Variants in CD300A observed in about 807,000 individuals in gnomAD.
CD300A encodes the protein CMRF35-like molecule 8.
Under a neutral mutation model 33.6 loss-of-function variants are expected in CD300A, and 22 were observed. The ratio of observed to expected loss-of-function variants is 0.66; its 90% CI spans 0.47 to 0.94. The LOEUF (loss-of-function observed/expected upper bound fraction) is 0.94. Among genes scored for constraint, CD300A ranks in the 40% least tolerant of loss-of-function variants. CD300A has a pLI of 0.00. For synonymous variants in CD300A, 136 were observed against 148.1 expected, an observed-to-expected ratio of 0.92 and a Z score of 0.59; for missense variants, 326 against 360.5, an observed-to-expected ratio of 0.90 and a Z score of 0.77.
intron 1 of CD300A, chr17:74,470,203 A>T: frequency 3.0e-6 from 3 of 985,442 alleles, no homozygotes; most frequent in Non-Finnish European, 3.6e-6. Flanking sequence ...GCGCAGAAAC[A>T]CAAGCCTGGG....
In CD300A at chr17:74,466,843, T is replaced by G; in HGVS notation, c.40+100T>G. Reference sequence around the variant, plus strand: ...CACACGAGACGCCCCGAGTCTGGACTCCGTGCAGAACGCAGAATGCGGTGC... The same window carrying G: ...CACACGAGACGCCCCGAGTCTGGACGCCGTGCAGAACGCAGAATGCGGTGC... On this transcript the variant is annotated intron_variant, in intron 1 of 6. Coordinates refer to ENST00000360141, the MANE Select transcript of CD300A (RefSeq NM_007261.4). The G allele has an allele frequency of 2.6e-6, 4 of 1,544,758 alleles. No individual in the cohort carries two copies. In the South Asian group the frequency reaches 3.6e-5, roughly 14 times the overall value.
At chr17:74,477,358 A>C in intron 3 of CD300A, 78 bp from the exon 4 acceptor site, 1 of 973,254 alleles carries the variant, frequency 1.0e-6, no homozygotes, top group Non-Finnish European at 1.5e-6. Context: ...TCAAAAAATA[A>C]AAATAAAAAA....
In CD300A at chr17:74,484,389, T is replaced by A; in HGVS notation, c.*263T>A. 1 of 347,252 alleles carries A rather than the reference T, an allele frequency of 2.9e-6. No homozygotes were observed. The allele number at this position is 347,252 out of a possible 1,614,324, so 21.5% of individuals were successfully genotyped here. ...TCACCTCTTTCCCCTTTGCCCCTGC[T>A]TCATCCCAGCTCTGTGTGTGGAGGA... On this transcript the variant is annotated 3_prime_UTR_variant, in exon 7 of 7. Coordinates refer to ENST00000360141, the MANE Select transcript of CD300A (RefSeq NM_007261.4).
intron 5 of CD300A, 134 bp from the exon 6 acceptor site, chr17:74,481,591 TG>T: frequency 5.8e-6 from 4 of 691,194 alleles, no homozygotes; most frequent in African/African-American, 1.8e-5. Context: ...CTGGACGGAG[TG>T]GGGTGGAGGC....
intron 3 of CD300A, among the ~76,000 whole-genome samples, chr17:74,475,673 C>T (rs554659215): frequency 6.6e-6 from 1 of 152,262 alleles, no homozygotes; most frequent in Admixed American, 6.5e-5. Context: ...TGGCACTATC[C>T]ACCCAGAGTT....
In CD300A at chr17:74,471,366, G is replaced by A. The variant is rs536158791; in HGVS notation, c.41-2170G>A. 7.9e-5 allele frequency among the ~76,000 whole-genome samples: 12 copies of A among 152,274 alleles called. No individual in the cohort carries two copies. In the East Asian group the frequency reaches 2.3e-3, roughly 29 times the overall value. On this transcript the variant is annotated intron_variant, in intron 1 of 6. Transcript: ENST00000360141. ...AGGTTATCTATTTTTATTAGCTGGA[G>A]TCATGTGAAACCCTGTTGTCTTGGT...
chr17:74,481,951 G>C, intron 6 of CD300A, 118 bp downstream of exon 6: 1 of 700,620 alleles, frequency 1.4e-6, no homozygotes, highest in Non-Finnish European at 2.5e-6. Flanking sequence ...GCCTGTCAGG[G>C]ACAGGGCCAC....
chr17:74,475,871 C>T (rs189358230), intron 3 of CD300A, among the ~76,000 whole-genome samples: 138 of 152,278 alleles, frequency 9.1e-4, no homozygotes, highest in Non-Finnish European at 1.7e-3. Context: ...CTCTGGAAAG[C>T]ATTATACTTA....
chr17:74,466,534 C>G, upstream of CD300A: 1 of 725,480 alleles, frequency 1.4e-6, no homozygotes, highest in Non-Finnish European at 2.3e-6. Context: ...GGCTCACCAG[C>G]TTCCTGCATT....
At chr17:74,476,597 G>A (rs9908469) in intron 3 of CD300A, among the ~76,000 whole-genome samples, 4,633 of 152,282 alleles carry the variant, frequency 0.03, 243 homozygotes, top group African/African-American at 0.11. Flanking sequence ...AAGCAATGGA[G>A]GGACCTGAAG....
intron 1 of CD300A, among the ~76,000 whole-genome samples, chr17:74,470,858 C>T (rs62087213): frequency 6.6e-6 from 1 of 151,598 alleles, no homozygotes; most frequent in Non-Finnish European, 1.5e-5. Flanking sequence ...ACCACATTGC[C>T]CAGGCTGGCC....
intron 2 of CD300A, 92 bp from the exon 3 acceptor site, chr17:74,474,440 C>T (rs1906329282): frequency 1.5e-6 from 2 of 1,291,456 alleles, no homozygotes; most frequent in Non-Finnish European, 2.2e-6. Flanking sequence ...CCTTAGTGGG[C>T]AGTTTGTGTG....
At chr17:74,482,022 A>G (rs1295960439) in intron 6 of CD300A, among the ~76,000 whole-genome samples, 189 bp downstream of exon 6, 1 of 150,294 alleles carries the variant, frequency 6.7e-6, no homozygotes, top group African/African-American at 2.5e-5. Flanking sequence ...GCTTGGTGTC[A>G]TTGTGGTGGG....
chr17:74,473,665 T>G lies in CD300A; in HGVS notation c.170T>G (p.Leu57Arg), dbSNP rs761534281. The G allele has an allele frequency of 1.9e-6, 3 of 1,614,242 alleles. No homozygotes were observed. The highest frequency in any genetic ancestry group is 4.5e-5 in the East Asian group (2 of 44,892). ...TGGTGCAGACCACCACAGATTTTCC[T>G]ATGTGACAAGATTGTGGAGACCAAA... ...KYWCRPPQIF[L>R]CDKIVETKGS... The change falls in exon 2 of 7, where the codon CTA becomes CGA. Residue 57 changes from leucine to arginine, a missense_variant. By Grantham distance (102) the Leu-to-Arg change is moderately radical (BLOSUM62 -2). Transcript: ENST00000360141.
At chr17:74,483,946 G>A in intron 6 of CD300A, 55 bp from the exon 7 acceptor site, 2 of 1,597,898 alleles carry the variant, frequency 1.3e-6, no homozygotes, top group South Asian at 1.1e-5. Context: ...TATGTTGGGG[G>A]TCCTTTCTTC....
intron 2 of CD300A, among the ~76,000 whole-genome samples, chr17:74,474,133 T>G (rs1233904087): frequency 6.6e-6 from 1 of 151,436 alleles, no homozygotes; most frequent in African/African-American, 2.4e-5. Context: ...CACCTGTGGC[T>G]CAGCCCCAAC....
At chr17:74,466,897 T>A in intron 1 of CD300A, 154 bp downstream of exon 1, 1 of 1,487,430 alleles carries the variant, frequency 6.7e-7, no homozygotes. Flanking sequence ...GATGGACAGA[T>A]GAAGGTCCAC....
upstream of CD300A, chr17:74,466,515 C>A (rs1905715218): frequency 1.6e-6 from 1 of 643,212 alleles, no homozygotes; most frequent in Non-Finnish European, 2.7e-6. Context: ...TCTAGGGAGT[C>A]TTAGTCGGGG....
chr17:74,477,577 C>G, intron 4 of CD300A, 47 bp downstream of exon 4: 3 of 1,261,510 alleles, frequency 2.4e-6, no homozygotes, highest in Non-Finnish European at 3.5e-6. Context: ...GGTGGTCAGA[C>G]CCTGACCACA....
Sources: allele counts gnomAD v4.1 joint callset (sites outside exome capture counted in the v4.1 genomes callset), GRCh38; gene constraint gnomAD v4.1.1; transcripts MANE v1.5; gene names NCBI Gene and HGNC (gene_info 2026-07-23, HGNC 2026-07-21).